NRXN3: variants seen among roughly 807,000 people sequenced by gnomAD.
NRXN3 encodes the protein neurexin 3.
A neutral mutation model predicts 137.6 loss-of-function variants in NRXN3; 32 were observed. That is an observed-to-expected ratio of 0.23 (90% CI 0.18 to 0.31). The LOEUF is 0.31. NRXN3 is among the 10% of genes least tolerant of loss of function. The probability of loss-of-function intolerance (pLI) is 1.00; values close to 1 mark genes in which losing one functional copy is unlikely to be tolerated. For synonymous variants in NRXN3, 798 were observed against 784.5 expected (o/e 1.02, Z -0.29); for missense variants, 1,574 against 2,062.5 (o/e 0.76, Z 4.59).
Position 78,803,613 on chromosome 14 carries a change from T to C in NRXN3, c.2045-7T>C. On this transcript the variant is annotated splice_region_variant and splice_polypyrimidine_tract_variant and intron_variant, in intron 8 of 20. Coordinates refer to ENST00000335750, the MANE Select transcript of NRXN3 (RefSeq NM_001330195.2). ...TCCTAACGATCTTCTCCATTCTTCTTTGGCAGAGGCATCCATCCTGAGCTA... is the reference window on the plus strand; with the variant it reads ...TCCTAACGATCTTCTCCATTCTTCTCTGGCAGAGGCATCCATCCTGAGCTA... The C allele has an allele frequency of 6.2e-7, 1 of 1,613,836 alleles. No individual in the cohort carries two copies. The highest frequency in any genetic ancestry group is 8.5e-7 in the Non-Finnish European group (1 of 1,179,754).
intron 14 of NRXN3, among the ~76,000 whole-genome samples, chr14:78,971,356 A>T (rs1598064103): frequency 6.6e-6 from 1 of 152,070 alleles, no homozygotes; most frequent in African/African-American, 2.4e-5. Flanking sequence ...AGGTTTTATA[A>T]CTAAGAACTA....
chr14:79,332,972 T>C (rs908469138), intron 15 of NRXN3, among the ~76,000 whole-genome samples: 4 of 152,182 alleles, frequency 2.6e-5, no homozygotes, highest in African/African-American at 9.6e-5. Flanking sequence ...ACTAGAGTTT[T>C]ATCCTTACCA....
Position 79,339,511 on chromosome 14 carries a change from C to T in NRXN3, c.3263-127710C>T, listed in dbSNP as rs573656432. On this transcript the variant is annotated intron_variant, in intron 15 of 20. Coordinates refer to ENST00000335750, the MANE Select transcript of NRXN3 (RefSeq NM_001330195.2). ...GAAACACCTTCAAAGTGCATATTTT[C>T]GTGTCTTACTATTCAAAGTATGCTC... Among the ~76,000 whole-genome samples, 9 of 152,166 alleles carry T rather than the reference C, an allele frequency of 5.9e-5. No individual in the cohort carries two copies. In the South Asian group the frequency reaches 8.3e-4, roughly 14 times the overall value.
intron 11 of NRXN3, among the ~76,000 whole-genome samples, chr14:78,964,188 A>G (rs1379468571): frequency 6.6e-6 from 1 of 152,222 alleles, no homozygotes; most frequent in African/African-American, 2.4e-5. Context: ...AGAAAATACA[A>G]TCCTCCCTTT....
intron 15 of NRXN3, among the ~76,000 whole-genome samples, chr14:79,302,785 T>A (rs549479035): frequency 1.3e-5 from 2 of 152,112 alleles, no homozygotes; most frequent in South Asian, 4.2e-4. Flanking sequence ...TCTGCCATGA[T>A]TGTAAGTTTC....
At chr14:78,307,126 A>T (rs996094059) in intron 4 of NRXN3, among the ~76,000 whole-genome samples, 7 of 151,982 alleles carry the variant, frequency 4.6e-5, no homozygotes, top group Non-Finnish European at 7.4e-5. Context: ...TTTGCTTGTC[A>T]TTTATTTGTT....
chr14:78,298,879 G>A (rs1384770294), intron 4 of NRXN3, among the ~76,000 whole-genome samples: 1 of 152,120 alleles, frequency 6.6e-6, no homozygotes, highest in Admixed American at 6.5e-5. Context: ...GAGGAGGGTG[G>A]GACTTCCCCT....
intron 4 of NRXN3, among the ~76,000 whole-genome samples, chr14:78,594,489 C>T (rs566218174): frequency 6.6e-5 from 10 of 152,262 alleles, no homozygotes; most frequent in South Asian, 2.1e-4. Context: ...AACCACTTAC[C>T]CAGGTCATGG....
intron 15 of NRXN3, among the ~76,000 whole-genome samples, chr14:79,154,089 A>T (rs982519803): frequency 1.3e-5 from 2 of 151,898 alleles, no homozygotes; most frequent in African/African-American, 4.8e-5. Flanking sequence ...TATGACTTTT[A>T]CTTTACTTAA....
chr14:78,376,003 T>TACACAC (rs10623539), intron 4 of NRXN3, among the ~76,000 whole-genome samples: 1,730 of 146,798 alleles, frequency 0.012, 19 homozygotes, highest in Middle Eastern at 0.021. Flanking sequence ...TCCTCCTTGA[T>TACACAC]ACACACACAC....
At chr14:79,093,911 T>C (rs2049720986) in intron 15 of NRXN3, among the ~76,000 whole-genome samples, 1 of 152,112 alleles carries the variant, frequency 6.6e-6, no homozygotes. Context: ...TTTTTCTTTT[T>C]TCTTTTTTTC....
At chr14:79,398,874 G>A (rs571687574) in intron 15 of NRXN3, among the ~76,000 whole-genome samples, 1 of 151,972 alleles carries the variant, frequency 6.6e-6, no homozygotes, top group Non-Finnish European at 1.5e-5. Context: ...GTCAGGCATG[G>A]TGGTACATGC....
intron 20 of NRXN3, among the ~76,000 whole-genome samples, chr14:79,849,801 C>G (rs768045837): frequency 3.3e-5 from 5 of 152,182 alleles, no homozygotes; most frequent in Non-Finnish European, 7.3e-5. Flanking sequence ...TATCTGCACT[C>G]CATGTTCATT....
At chr14:78,381,051 A>T (rs1184045016) in intron 4 of NRXN3, among the ~76,000 whole-genome samples, 1 of 152,206 alleles carries the variant, frequency 6.6e-6, no homozygotes, top group Non-Finnish European at 1.5e-5. Flanking sequence ...TCAATGGAGA[A>T]AAGGTAGCTT....
intron 15 of NRXN3, among the ~76,000 whole-genome samples, chr14:79,349,789 A>C (rs1429557764): frequency 6.6e-6 from 1 of 152,148 alleles, no homozygotes; most frequent in Non-Finnish European, 1.5e-5. Context: ...TGTCCTTATA[A>C]GAGGAAATTT....
intron 4 of NRXN3, among the ~76,000 whole-genome samples, chr14:78,431,967 C>G (rs1471435643): frequency 6.6e-6 from 1 of 152,078 alleles, no homozygotes; most frequent in African/African-American, 2.4e-5. Flanking sequence ...CAAGGCTACA[C>G]TCTTTCCGTG....
At chr14:79,021,568 T>C (rs1368199898) in intron 15 of NRXN3, among the ~76,000 whole-genome samples, 1 of 152,188 alleles carries the variant, frequency 6.6e-6, no homozygotes, top group Non-Finnish European at 1.5e-5. Flanking sequence ...ATGAGTGTGA[T>C]TCAGCCCTGC....
chr14:79,177,054 A>AT (rs1412528095), intron 15 of NRXN3, among the ~76,000 whole-genome samples: 3 of 152,184 alleles, frequency 2.0e-5, no homozygotes, highest in African/African-American at 7.2e-5. Context: ...AGAGAAAAAT[A>AT]TTTTTTAAGA....
At chr14:79,318,486 G>A (rs1236785640) in intron 15 of NRXN3, among the ~76,000 whole-genome samples, 1 of 152,192 alleles carries the variant, frequency 6.6e-6, no homozygotes, top group Non-Finnish European at 1.5e-5. Flanking sequence ...AAAAACCATT[G>A]TTGGAATGCC....
Sources: gnomAD v4.1 joint callset for allele counts (sites outside exome capture counted in the v4.1 genomes callset) on GRCh38, gnomAD v4.1.1 for gene constraint, MANE v1.5 for transcripts, NCBI Gene and HGNC (gene_info 2026-07-23, HGNC 2026-07-21) for gene names.